MCTP2: variants seen among roughly 807,000 people sequenced by gnomAD.
MCTP2 encodes the protein multiple C2 and transmembrane domain containing 2.
MCTP2 carries 132 observed loss-of-function variants against 111.6 expected under a neutral mutation model. That is an observed-to-expected ratio of 1.18 (90% CI 1.03 to 1.37). The LOEUF is 1.37. MCTP2 is among the 40% of genes most tolerant of loss of function. MCTP2 has a pLI of 0.00. For synonymous variants in MCTP2, 395 were observed against 387.7 expected, an observed-to-expected ratio of 1.02 and a Z score of -0.22; for missense variants, 1,183 against 1,067.9, an observed-to-expected ratio of 1.11 and a Z score of -1.50.
intron 17 of MCTP2, chr15:94,402,446 T>G (rs1411098234): frequency 6.5e-7 from 1 of 1,549,150 alleles, no homozygotes; most frequent in Non-Finnish European, 8.7e-7. Context: ...TTCAAGCCAG[T>G]TGGGACATAC....
intron 4 of MCTP2, among the ~76,000 whole-genome samples, chr15:94,332,937 A>G (rs1465218815): frequency 6.6e-6 from 1 of 152,138 alleles, no homozygotes; most frequent in Non-Finnish European, 1.5e-5. Flanking sequence ...ATAGAAATAT[A>G]TTTATGGGCT....
In MCTP2 at chr15:94,367,779, T is replaced by G; in HGVS notation, c.1476T>G (p.Ile492Met). Residue 492 changes from isoleucine to methionine, a missense_variant, in exon 11 of 23, where the codon ATT (isoleucine) becomes ATG (methionine). Transcript: ENST00000357742. ...CAGACCTCAGCGAAAGAAAGCAGAT[T>G]ACCCAGCGATATGTGAGTGTTTTTC... is the stretch of plus-strand genomic sequence containing the variant. ...PLADLSERKQ[I>M]TQRYCLQNSL... 1 of 1,600,842 alleles carries G rather than the reference T, an allele frequency of 6.2e-7. No homozygotes were observed. Among genetic ancestry groups the G allele is most frequent in the Non-Finnish European group, 8.5e-7 (1 of 1,174,554 alleles).
At chr15:94,447,022 A>C (rs1281959351) in intron 19 of MCTP2, among the ~76,000 whole-genome samples, 2 of 152,208 alleles carry the variant, frequency 1.3e-5, no homozygotes, top group Admixed American at 6.5e-5. Context: ...TTCTATTTTC[A>C]CAAATTAGTT....
chr15:94,324,433 A>G (rs1207081526), intron 4 of MCTP2, among the ~76,000 whole-genome samples: 1 of 152,208 alleles, frequency 6.6e-6, no homozygotes, highest in Non-Finnish European at 1.5e-5. Flanking sequence ...TAGCGTTGCA[A>G]AAGGAAAAGA....
intron 20 of MCTP2, among the ~76,000 whole-genome samples, chr15:94,459,424 T>A (rs1457917387): frequency 6.6e-6 from 1 of 152,160 alleles, no homozygotes; most frequent in Non-Finnish European, 1.5e-5. Context: ...GACATTGCCC[T>A]CGAATGCCCA....
intron 1 of MCTP2, chr15:94,273,454 TA>T (rs1328806255): frequency 6.5e-6 from 1 of 153,344 alleles, no homozygotes; most frequent in Non-Finnish European, 1.5e-5. Flanking sequence ...TGTCATAGAA[TA>T]AGATAGAAAT....
intron 17 of MCTP2, among the ~76,000 whole-genome samples, chr15:94,413,104 A>C (rs747921359): frequency 1.3e-5 from 2 of 152,200 alleles, no homozygotes; most frequent in Non-Finnish European, 2.9e-5. Context: ...AAAATAACAA[A>C]TAGCTTGGCA....
chr15:94,346,510 GT>G (rs1353282288), intron 8 of MCTP2, among the ~76,000 whole-genome samples: 1 of 152,174 alleles, frequency 6.6e-6, no homozygotes, highest in African/African-American at 2.4e-5. Context: ...CATATTAAGA[GT>G]TTCTGTAACC....
chr15:94,302,864 G>A (rs1280331737), intron 2 of MCTP2, among the ~76,000 whole-genome samples: 2 of 151,716 alleles, frequency 1.3e-5, no homozygotes, highest in Non-Finnish European at 2.9e-5. Flanking sequence ...TAGACATAAC[G>A]AGACGGGGCA....
intron 22 of MCTP2, among the ~76,000 whole-genome samples, chr15:94,478,711 A>C (rs147522747): frequency 2.0e-5 from 3 of 152,368 alleles, no homozygotes; most frequent in African/African-American, 7.2e-5. Context: ...ATCATCTAGC[A>C]GTGCCCAGCG....
intron 20 of MCTP2, among the ~76,000 whole-genome samples, chr15:94,467,971 A>ACTGGATGAGGGGAGGGCTTTGGTAAGC (rs1381332454): frequency 4.6e-5 from 7 of 152,360 alleles, no homozygotes; most frequent in Middle Eastern, 3.4e-3. Context: ...GAGTCACATC[A>ACTGGATGAGGGGAGGGCTTTGGTAAGC]CTGGATGAGG....
chr15:94,300,854 C>G (rs1025190626), intron 2 of MCTP2, among the ~76,000 whole-genome samples: 1 of 152,102 alleles, frequency 6.6e-6, no homozygotes, highest in African/African-American at 2.4e-5. Flanking sequence ...TGATCACAGC[C>G]TGAAGTGTGG....
chr15:94,421,242 A>G (rs2082616817), intron 17 of MCTP2, among the ~76,000 whole-genome samples: 1 of 152,164 alleles, frequency 6.6e-6, no homozygotes, highest in Admixed American at 6.5e-5. Context: ...CAGTGTAAAC[A>G]TAATCTTTAT....
At chr15:94,238,785 A>G (rs1444127459) in intron 1 of MCTP2, among the ~76,000 whole-genome samples, 1 of 152,152 alleles carries the variant, frequency 6.6e-6, no homozygotes, top group Non-Finnish European at 1.5e-5. Flanking sequence ...GCACAGAGGG[A>G]GTGTTTTGAG....
Position 94,298,211 on chromosome 15 carries a change from A to AATT in MCTP2, c.-55_-54insATT. The AATT allele has an allele frequency of 1.5e-6, 2 of 1,303,040 alleles. No homozygotes were observed. Among genetic ancestry groups the AATT allele is most frequent in the Non-Finnish European group, 2.1e-6 (2 of 959,022 alleles). 80.7% of individuals were successfully genotyped at this position (1,303,040 alleles called of 1,614,324 possible). A position where few individuals can be genotyped will look rare whatever the true frequency, so the allele number is the denominator to read the frequency against. ...TTTTCTGTTTTATAGGAGTCATTGCAGTTTTCAGTAGAGGTGTACTTCTGA... is the reference window on the plus strand; with the variant it reads ...TTTTCTGTTTTATAGGAGTCATTGCAATTGTTTTCAGTAGAGGTGTACTTCTGA... On this transcript the variant is annotated 5_prime_UTR_variant, in exon 2 of 23. Coordinates refer to ENST00000357742, the MANE Select transcript of MCTP2 (RefSeq NM_001385001.1).
rs1567401912 is a variant in MCTP2 at position 94,315,563 on chromosome 15, TCC to T, written c.566_567del (p.Pro189GlnfsTer27). On this transcript the variant is annotated frameshift_variant, in exon 4 of 23. Coordinates refer to ENST00000357742, the MANE Select transcript of MCTP2 (RefSeq NM_001385001.1). LOFTEE classifies it high-confidence loss of function. ...GAAGCCAGTGATGGCTTGAGTAACC[TCC>T]CCAGCCCTTTTGCGTACCTCCTCAC... 6.2e-7 allele frequency: 1 copy of T among 1,614,082 alleles called. No homozygotes were observed. The highest frequency in any genetic ancestry group is 1.1e-5 in the South Asian group (1 of 91,058).
At chr15:94,333,979 G>C (rs987437738) in intron 4 of MCTP2, among the ~76,000 whole-genome samples, 3 of 152,188 alleles carry the variant, frequency 2.0e-5, no homozygotes, top group African/African-American at 4.8e-5. Context: ...CACACCTTTA[G>C]AGGTGGCAAT....
chr15:94,236,368 C>CTTTTTTTTTTTTTTTTTTTTTTTTTTTTT (rs1167268187), intron 1 of MCTP2, among the ~76,000 whole-genome samples: 1 of 67,192 alleles, frequency 1.5e-5, no homozygotes, highest in Non-Finnish European at 3.0e-5. Context: ...TCAATCCTTT[C>CTTTTTTTTTTTTTTTTTTTTTTTTTTTTT]TTTTTTTTCT....
intron 1 of MCTP2, among the ~76,000 whole-genome samples, chr15:94,249,566 A>T (rs1474102671): frequency 6.6e-6 from 1 of 151,420 alleles, no homozygotes; most frequent in Non-Finnish European, 1.5e-5. Context: ...GCTCACTGCA[A>T]CCTCCGCCTC....
Sources: allele counts gnomAD v4.1 joint callset (sites outside exome capture counted in the v4.1 genomes callset), GRCh38; gene constraint gnomAD v4.1.1; transcripts MANE v1.5; gene names NCBI Gene and HGNC (gene_info 2026-07-23, HGNC 2026-07-21).